CD109: variants seen among roughly 807,000 people sequenced by gnomAD.
CD109 encodes the protein CD109 antigen.
In CD109, 149 loss-of-function variants were observed where a neutral mutation model predicts 165.8. The observed-to-expected ratio is 0.90, with a 90% confidence interval of 0.79 to 1.03. The LOEUF (loss-of-function observed/expected upper bound fraction) is 1.03, where lower values mean the gene tolerates loss of function less well. CD109 is among the 50% of genes least tolerant of loss of function. The pLI is 0.00. For missense variants in CD109, 1,712 were observed against 1,677.8 expected, an observed-to-expected ratio of 1.02 and a Z score of -0.36; for synonymous variants, 585 against 592.1, an observed-to-expected ratio of 0.99 and a Z score of 0.18.
intron 31 of CD109, among the ~76,000 whole-genome samples, chr6:73,818,833 C>G (rs1776024100): frequency 6.6e-6 from 1 of 152,044 alleles, no homozygotes; most frequent in Non-Finnish European, 1.5e-5. Flanking sequence ...AAATTCAACC[C>G]AGATCTGAAT....
chr6:73,819,908 G>T (rs1776053604), intron 31 of CD109, among the ~76,000 whole-genome samples: 1 of 152,102 alleles, frequency 6.6e-6, no homozygotes, highest in African/African-American at 2.4e-5. Flanking sequence ...ACTACTATTG[G>T]CAAATAAGGG....
At chr6:73,701,467 C>T (rs1771075190) in intron 2 of CD109, among the ~76,000 whole-genome samples, 1 of 152,092 alleles carries the variant, frequency 6.6e-6, no homozygotes, top group Non-Finnish European at 1.5e-5. Context: ...GTGAGTCTGT[C>T]CCTTTGTCTC....
rs895415049 is a variant in CD109, at chr6:73,736,563, G to C, written c.633+55G>C. On this transcript the variant is annotated intron_variant, in intron 5 of 32. Transcript: ENST00000287097. ...TGTTAAAGTGATTTAATTAGGTCAG[G>C]TGGGGGAAAATCTCCAAAGTCATTT... The C allele has an allele frequency of 4.7e-6, 7 of 1,495,894 alleles. No homozygotes were observed. In the African/African-American group the frequency reaches 7.1e-5, roughly 15 times the overall value. 92.7% of individuals were successfully genotyped at this position (1,495,894 alleles called of 1,614,324 possible).
chr6:73,742,655 G>A (rs963306705), intron 5 of CD109, among the ~76,000 whole-genome samples: 3 of 152,166 alleles, frequency 2.0e-5, no homozygotes, highest in Non-Finnish European at 4.4e-5. Context: ...ATTTGATGAC[G>A]GCAGCCCTGT....
At chr6:73,810,647 G>A (rs1241696004) in intron 27 of CD109, among the ~76,000 whole-genome samples, 1 of 150,602 alleles carries the variant, frequency 6.6e-6, no homozygotes, top group Non-Finnish European at 1.5e-5. Context: ...GGATTAACAA[G>A]TGAATTTAGT....
At chr6:73,684,221 CT>C in the CD109 span, among the ~76,000 whole-genome samples, 1,630 of 136,280 alleles carry the variant, frequency 0.012, 5 homozygotes, top group Admixed American at 0.016. Flanking sequence ...GTCGTTCTTT[CT>C]TTTTTTTTTT....
At chr6:73,808,618 T>C (rs1017612800) in intron 26 of CD109, among the ~76,000 whole-genome samples, 2 of 152,188 alleles carry the variant, frequency 1.3e-5, no homozygotes, top group Non-Finnish European at 2.9e-5. Flanking sequence ...TTTTCCCAAC[T>C]GTAAAGTGGA....
intron 25 of CD109, 28 bp from the exon 26 acceptor site, chr6:73,808,055 G>T (rs1775631401): frequency 1.2e-6 from 2 of 1,604,334 alleles, no homozygotes; most frequent in African/African-American, 2.7e-5. Context: ...ACTCTGAATA[G>T]TAAAAAACAT....
intron 25 of CD109, 97 bp from the exon 26 acceptor site, chr6:73,807,986 A>C: frequency 9.5e-7 from 1 of 1,054,576 alleles, no homozygotes; most frequent in Non-Finnish European, 1.4e-6. Flanking sequence ...TAGACACTGA[A>C]CTTATTTTTT....
chr6:73,819,571 T>G (rs1021020235), intron 31 of CD109, among the ~76,000 whole-genome samples: 2 of 152,264 alleles, frequency 1.3e-5, no homozygotes, highest in Non-Finnish European at 2.9e-5. Context: ...TTGCTGAATA[T>G]ATGCTTTTAA....
chr6:73,778,318 A>G (rs1384884519), intron 15 of CD109, among the ~76,000 whole-genome samples: 1 of 152,212 alleles, frequency 6.6e-6, no homozygotes, highest in African/African-American at 2.4e-5. Flanking sequence ...TTTTCTAGAT[A>G]TAGGATTATG....
At chr6:73,794,878 T>G (rs1378867156) in intron 23 of CD109, among the ~76,000 whole-genome samples, 2 of 152,034 alleles carry the variant, frequency 1.3e-5, no homozygotes, top group African/African-American at 4.8e-5. Flanking sequence ...TATACACATT[T>G]GTGGATTGGT....
Position 73,699,043 on chromosome 6 carries a change from A to C in CD109, c.247+1471A>C, listed in dbSNP as rs576080990. 1.8e-3 allele frequency among the ~76,000 whole-genome samples: 277 copies of C among 152,248 alleles called. 1 individual carries two copies. The highest frequency in any genetic ancestry group is 2.8e-3 in the Non-Finnish European group (189 of 68,016). On this transcript the variant is annotated intron_variant, in intron 2 of 32. Transcript: ENST00000287097. ...CTGCAGAAGAGGATGCAGAAAGTCC[A>C]TTTCCTTTTTACATGGGGGCAGACT... is the stretch of plus-strand genomic sequence containing the variant.
At chr6:73,810,858 T>G (rs1340420091) in intron 27 of CD109, 134 bp from the exon 28 acceptor site, 4 of 856,466 alleles carry the variant, frequency 4.7e-6, no homozygotes, top group Non-Finnish European at 7.1e-6. Context: ...GCCAAGGACA[T>G]TCAAATATGA....
Position 73,792,764 on chromosome 6 carries a change from A to G in CD109, c.2840A>G (p.Asp947Gly), listed in dbSNP as rs552927841. 5 of 1,611,536 alleles carry G rather than the reference A, an allele frequency of 3.1e-6. No individual in the cohort carries two copies. In the African/African-American group the frequency reaches 4.0e-5, roughly 13 times the overall value. Residue 947 changes from aspartate (D) to glycine (G), a missense_variant, in exon 23 of 33, where the codon GAT (aspartate) becomes GGT (glycine). Asp to Gly is a moderately conservative substitution (Grantham distance 94). Coordinates refer to ENST00000287097, the MANE Select transcript of CD109 (RefSeq NM_133493.5). Reference sequence around the variant, plus strand: ...CTGACTAAAAAGAAACAACTGACAGATAATTTGAAAGAAAAAGCTCTTTCA... The same window carrying G: ...CTGACTAAAAAGAAACAACTGACAGGTAATTTGAAAGAAAAAGCTCTTTCA... ...DYLTKKKQLTDNLKEKALSFM... is the reference protein window; with the variant it reads ...DYLTKKKQLTGNLKEKALSFM...
At chr6:73,801,498 T>C (rs1195426268) in intron 23 of CD109, among the ~76,000 whole-genome samples, 1 of 152,376 alleles carries the variant, frequency 6.6e-6, no homozygotes, top group East Asian at 1.9e-4. Flanking sequence ...ATATTTCTTT[T>C]ACCATAAGTC....
intron 4 of CD109, among the ~76,000 whole-genome samples, chr6:73,733,941 G>C (rs565689306): frequency 6.6e-6 from 1 of 152,310 alleles, no homozygotes; most frequent in East Asian, 1.9e-4. Flanking sequence ...GATCCAGAGC[G>C]ATCTAAAGGT....
chr6:73,751,731 C>T (rs1485340723), intron 5 of CD109, among the ~76,000 whole-genome samples: 1 of 152,168 alleles, frequency 6.6e-6, no homozygotes, highest in Non-Finnish European at 1.5e-5. Flanking sequence ...AGCCCGTTTC[C>T]CTAGGCTTGA....
the CD109 span, among the ~76,000 whole-genome samples, chr6:73,683,859 A>T: frequency 4.6e-5 from 7 of 152,016 alleles, no homozygotes; most frequent in African/African-American, 1.7e-4. Context: ...ATCTCATGAG[A>T]TTTATTCACT....
Sources: gnomAD v4.1 joint callset for allele counts (sites outside exome capture counted in the v4.1 genomes callset) on GRCh38, gnomAD v4.1.1 for gene constraint, MANE v1.5 for transcripts, NCBI Gene and HGNC (gene_info 2026-07-23, HGNC 2026-07-21) for gene names.